The following MIGA2 variants were observed in gnomAD, a reference collection of about 807,000 sequenced individuals.
MIGA2 encodes the protein mitoguardin 2.
In MIGA2, 36 loss-of-function variants were observed where a neutral mutation model predicts 69.9. The ratio of observed to expected loss-of-function variants is 0.52; its 90% CI spans 0.39 to 0.68. The LOEUF (loss-of-function observed/expected upper bound fraction) is 0.68. Ranked by LOEUF, MIGA2 falls within the 30% of genes least tolerant of loss-of-function variation. The pLI is 0.00. For missense variants in MIGA2, 660 were observed against 787.7 expected, an observed-to-expected ratio of 0.84 and a Z score of 1.94; for synonymous variants, 333 against 349.2, an observed-to-expected ratio of 0.95 and a Z score of 0.52.
chr9:129,044,030 G>C (rs1425293281), intron 3 of MIGA2, among the ~76,000 whole-genome samples: 2 of 144,756 alleles, frequency 1.4e-5, no homozygotes, highest in African/African-American at 5.2e-5. Flanking sequence ...TTTCGCTTGT[G>C]TTTCCCAGGC....
chr9:129,064,489 G>C (rs1846236242), intron 11 of MIGA2, among the ~76,000 whole-genome samples: 1 of 150,566 alleles, frequency 6.6e-6, no homozygotes, highest in Non-Finnish European at 1.5e-5. Flanking sequence ...TTACAGGCAT[G>C]AGCCACCGTG....
chr9:129,050,562 C>T (rs1325397497), intron 6 of MIGA2, among the ~76,000 whole-genome samples: 2 of 142,740 alleles, frequency 1.4e-5, no homozygotes, highest in African/African-American at 2.6e-5. Flanking sequence ...CGTGAGCCAT[C>T]GTACCCAGCT....
At position 129,059,445 on chromosome 9, in the gene MIGA2, G is replaced by C. The variant is rs546931216; in HGVS notation, c.793+174G>C. ...TTATGGCACAGATGGGGAAACTGAG[G>C]TGTTCCCTTCTCCATGGCAGGCTGG... On this transcript the variant is annotated intron_variant, in intron 7 of 15. Coordinates refer to ENST00000684074, the MANE Select transcript of MIGA2 (RefSeq NM_001329990.2). The surrounding 1 kb of genome is among the most constrained non-coding windows in gnomAD (Gnocchi z 5.6). Among the ~76,000 whole-genome samples the C allele has an allele frequency of 6.6e-6, 1 of 152,184 alleles. No homozygotes were observed. The highest frequency in any genetic ancestry group is 2.4e-5 in the African/African-American group (1 of 41,438).
chr9:129,060,525 C>T lies in MIGA2; in HGVS notation c.794-25C>T, dbSNP rs367596410. 18 of 1,557,376 alleles carry T rather than the reference C, an allele frequency of 1.2e-5. No homozygotes were observed. The highest frequency in any genetic ancestry group is 9.5e-5 in the African/African-American group (7 of 73,652). On this transcript the variant is annotated intron_variant, in intron 7 of 15. Coordinates refer to ENST00000684074, the MANE Select transcript of MIGA2 (RefSeq NM_001329990.2). This position sits in a 1 kb window ranked among gnomAD's most constrained non-coding sequence, Gnocchi z 4.8. Reference sequence around the variant, plus strand: ...AGCACTGTGTGGGGAGTCTCAGCCCCGCTTTCTCTCACTGCTCTTCCCAGA... The same window carrying T: ...AGCACTGTGTGGGGAGTCTCAGCCCTGCTTTCTCTCACTGCTCTTCCCAGA...
chr9:129,064,887 A>G (rs905300022), intron 11 of MIGA2, among the ~76,000 whole-genome samples: 6 of 151,306 alleles, frequency 4.0e-5, no homozygotes, highest in African/African-American at 1.2e-4. Context: ...GGTTCAAGCA[A>G]TCCTCCCACC....
rs759128902 is a variant in MIGA2, at chr9:129,069,743, T to C, written c.1459-106T>C. ...CAGGGTCATCTAGCAGGAAAGTACA[T>C]GAGCTGGGGCGACCTCTAAAGCCCA... On this transcript the variant is annotated intron_variant, in intron 14 of 15. Transcript: ENST00000684074. This position sits in a 1 kb window ranked among gnomAD's most constrained non-coding sequence, Gnocchi z 4.9. 6 of 806,156 alleles carry C rather than the reference T, an allele frequency of 7.4e-6. No homozygotes were observed. The African/African-American group carries it at 1.0e-4, about 14-fold the overall frequency. The allele number at this position is 806,156 out of a possible 1,614,324, so 49.9% of individuals were successfully genotyped here.
At position 129,069,751 on chromosome 9, in the gene MIGA2, G is replaced by A; in HGVS notation, c.1459-98G>A. ...TCTAGCAGGAAAGTACATGAGCTGG[G>A]GCGACCTCTAAAGCCCAGCCCTTTA... On this transcript the variant is annotated intron_variant, in intron 14 of 15. Transcript: ENST00000684074. The surrounding 1 kb of genome is among the most constrained non-coding windows in gnomAD (Gnocchi z 4.9). The A allele has an allele frequency of 1.2e-6, 1 of 834,860 alleles. No homozygotes were observed. Among genetic ancestry groups the A allele is most frequent in the Non-Finnish European group, 2.1e-6 (1 of 478,134 alleles). The allele number at this position is 834,860 out of a possible 1,614,324, so 51.7% of individuals were successfully genotyped here.
rs542021403 is a variant in MIGA2, at chr9:129,068,100, A to G, written c.1270-98A>G. ...AGACGTGTCCCCCCCACGTGTGCTC[A>G]TGCCCTGGACCCCAGCTTCAGTCTC... On this transcript the variant is annotated intron_variant, in intron 12 of 15. Transcript: ENST00000684074. This position sits in a 1 kb window ranked among gnomAD's most constrained non-coding sequence, Gnocchi z 4.1. 4.5e-6 allele frequency: 7 copies of G among 1,555,396 alleles called. No homozygotes were observed. In the African/African-American group the frequency reaches 9.5e-5, roughly 21 times the overall value.
intron 6 of MIGA2, among the ~76,000 whole-genome samples, chr9:129,053,922 G>A (rs1845673428): frequency 6.6e-6 from 1 of 151,864 alleles, no homozygotes; most frequent in African/African-American, 2.4e-5. Flanking sequence ...ATGTTCCTGT[G>A]GTCCCAGCTA....
intron 6 of MIGA2, among the ~76,000 whole-genome samples, chr9:129,054,263 G>C (rs1157356934): frequency 1.3e-5 from 2 of 152,076 alleles, no homozygotes; most frequent in Non-Finnish European, 2.9e-5. Context: ...AGACCAGCCT[G>C]GGCAGCATAG....
chr9:129,065,687 C>G (rs963027269), intron 11 of MIGA2, among the ~76,000 whole-genome samples: 2 of 152,118 alleles, frequency 1.3e-5, no homozygotes, highest in Admixed American at 1.3e-4. Context: ...GCCTGTATAA[C>G]CAGCACCCAG....
rs982522618 is a variant in MIGA2, at chr9:129,061,932, G to A, written c.1010+586G>A. 1.3e-5 allele frequency among the ~76,000 whole-genome samples: 2 copies of A among 150,500 alleles called. No individual in the cohort carries two copies. Among genetic ancestry groups the A allele is most frequent in the African/African-American group, 4.9e-5 (2 of 40,820 alleles). On this transcript the variant is annotated intron_variant, in intron 9 of 15. Coordinates refer to ENST00000684074, the MANE Select transcript of MIGA2 (RefSeq NM_001329990.2). This position sits in a 1 kb window ranked among gnomAD's most constrained non-coding sequence, Gnocchi z 5.0. ...CCTCAGTTTCTTTGTCTGTGGTTAT[G>A]TTTAGGCCTCTTCACTATCTTATAT...
Position 129,048,523 on chromosome 9 carries a change from C to T in MIGA2, c.404C>T (p.Ser135Phe), listed in dbSNP as rs754816301. 1.9e-6 allele frequency: 3 copies of T among 1,613,912 alleles called. No individual in the cohort carries two copies. The highest frequency in any genetic ancestry group is 3.3e-5 in the Admixed American group (2 of 60,014). ...GAGCCCAGCAAGCACTCGGGCTCCTCCCACAGTGTGGCCTCGGTGAGCAGC... is the reference window on the plus strand; with the variant it reads ...GAGCCCAGCAAGCACTCGGGCTCCTTCCACAGTGTGGCCTCGGTGAGCAGC... ...SIEPSKHSGS[S>F]HSVASMMAVN... The change falls in exon 4 of 16, where the codon TCC (serine) becomes TTC (phenylalanine). Residue 135 changes from serine (S) to phenylalanine (F), a missense_variant. Ser to Phe is a radical substitution (Grantham distance 155). Transcript: ENST00000684074.
At chr9:129,039,147 A>C (rs1844753745) in intron 1 of MIGA2, among the ~76,000 whole-genome samples, 1 of 151,326 alleles carries the variant, frequency 6.6e-6, no homozygotes, top group African/African-American at 2.4e-5. Flanking sequence ...ATGCAGCACA[A>C]AATACGTAGC....
intron 3 of MIGA2, among the ~76,000 whole-genome samples, chr9:129,046,437 G>A (rs1845227491): frequency 2.7e-5 from 4 of 150,920 alleles, no homozygotes; most frequent in Admixed American, 2.0e-4. Flanking sequence ...CAGCCTGGGT[G>A]GTATGTGGAG....
chr9:129,050,726 C>G (rs535144362), intron 6 of MIGA2, among the ~76,000 whole-genome samples: 3 of 151,536 alleles, frequency 2.0e-5, no homozygotes, highest in Non-Finnish European at 4.4e-5. Context: ...TGCCTGCCAC[C>G]ACACCCAGCT....
chr9:129,059,078 C>G lies in MIGA2; in HGVS notation c.676-76C>G, dbSNP rs1006169054. 4.4e-5 allele frequency: 59 copies of G among 1,339,334 alleles called. No individual in the cohort carries two copies. The highest frequency in any genetic ancestry group is 6.1e-5 in the Non-Finnish European group (57 of 935,972). 83.0% of individuals were successfully genotyped at this position (1,339,334 alleles called of 1,614,324 possible). ...AGAGCTCCTCCCCTTTCCCCAGGGA[C>G]CTGGGGGTGAGGGAAGGGGCCATTT... On this transcript the variant is annotated intron_variant, in intron 6 of 15. Transcript: ENST00000684074. The surrounding 1 kb of genome is among the most constrained non-coding windows in gnomAD (Gnocchi z 5.6).
intron 6 of MIGA2, among the ~76,000 whole-genome samples, chr9:129,051,894 C>T (rs2131363077): frequency 6.6e-6 from 1 of 151,806 alleles, no homozygotes; most frequent in East Asian, 1.9e-4. Flanking sequence ...GGTGCGATCT[C>T]GACTCACTGC....
intron 6 of MIGA2, among the ~76,000 whole-genome samples, chr9:129,050,826 T>G (rs1845488558): frequency 6.6e-6 from 1 of 151,906 alleles, no homozygotes; most frequent in African/African-American, 2.4e-5. Flanking sequence ...CTGCCTTGGC[T>G]TCCCAAAGTG....
Sources: gnomAD v4.1 joint callset for allele counts (sites outside exome capture counted in the v4.1 genomes callset) on GRCh38, gnomAD v4.1.1 for gene constraint, Gnocchi (gnomAD v3.1) non-coding constraint, MANE v1.5 for transcripts, NCBI Gene and HGNC (gene_info 2026-07-23, HGNC 2026-07-21) for gene names.